GPR39: variants seen among roughly 807,000 people sequenced by gnomAD.
The protein encoded by GPR39 is zinc sensing receptor.
A neutral mutation model predicts 18.4 loss-of-function variants in GPR39; 23 were observed. The ratio of observed to expected loss-of-function variants is 1.25; its 90% CI spans 0.90 to 1.77. The LOEUF is 1.77. GPR39 is among the 40% of genes most tolerant of loss of function. The pLI, the probability that GPR39 is intolerant of heterozygous loss-of-function variation, is 0.00. For synonymous variants in GPR39, 280 were observed against 257.9 expected, an observed-to-expected ratio of 1.09 and a Z score of -0.82; for missense variants, 647 against 602.4, an observed-to-expected ratio of 1.07 and a Z score of -0.78.
intron 1 of GPR39, among the ~76,000 whole-genome samples, chr2:132,557,937 T>A (rs1680184909): frequency 6.8e-6 from 1 of 147,552 alleles, no homozygotes; most frequent in South Asian, 2.2e-4. Context: ...GGTTCAGGGA[T>A]GCAGCTGCAG....
chr2:132,608,786 G>A (rs777121190), intron 1 of GPR39, among the ~76,000 whole-genome samples: 5 of 152,110 alleles, frequency 3.3e-5, no homozygotes, highest in African/African-American at 1.2e-4. Context: ...AGCCCCCTCC[G>A]CTGCAAAGCT....
At position 132,515,405 on chromosome 2, in the gene GPR39, G is replaced by A. The variant is rs186174659; in HGVS notation, c.856+97507G>A. Among the ~76,000 whole-genome samples the A allele has an allele frequency of 4.6e-5, 7 of 152,288 alleles. No homozygotes were observed. The East Asian group carries it at 1.4e-3, about 29-fold the overall frequency. On this transcript the variant is annotated intron_variant, in intron 1 of 1. Transcript: ENST00000329321. The stretch of plus-strand genomic sequence containing the variant: ...CAGCTAAAACAGGGCCTGGAGAATG[G>A]TATACATTCAATAAATAAATATTTA...
chr2:132,532,268 C>T (rs960252502), intron 1 of GPR39, among the ~76,000 whole-genome samples: 2 of 152,138 alleles, frequency 1.3e-5, no homozygotes, highest in Non-Finnish European at 2.9e-5. Flanking sequence ...TTTCTCGACA[C>T]ATACACCCTC....
chr2:132,641,878 A>C (rs923042733), intron 1 of GPR39, among the ~76,000 whole-genome samples: 5 of 152,242 alleles, frequency 3.3e-5, no homozygotes, highest in Non-Finnish European at 5.9e-5. Flanking sequence ...TGAAAGTATG[A>C]ATAGCAAACA....
intron 1 of GPR39, 60 bp from the exon 2 acceptor site, chr2:132,645,041 T>C: frequency 6.5e-7 from 1 of 1,535,522 alleles, no homozygotes; most frequent in Non-Finnish European, 8.8e-7. Context: ...ATTCATTTAC[T>C]GTGTTCTCAT....
intron 1 of GPR39, among the ~76,000 whole-genome samples, chr2:132,426,302 C>G (rs1293194961): frequency 6.6e-6 from 1 of 152,230 alleles, no homozygotes; most frequent in African/African-American, 2.4e-5. Context: ...TGGAGAATTA[C>G]AAAATTTGTG....
At chr2:132,558,560 C>G (rs774354740) in intron 1 of GPR39, among the ~76,000 whole-genome samples, 2 of 152,090 alleles carry the variant, frequency 1.3e-5, no homozygotes, top group African/African-American at 4.8e-5. Context: ...CTGGGGGCAC[C>G]GGGAAGCATT....
rs752927626 is a variant in GPR39, at chr2:132,645,117, A to G, written c.873A>G (p.Thr291=). 1.9e-6 allele frequency: 3 copies of G among 1,612,872 alleles called. No homozygotes were observed. The highest frequency in any genetic ancestry group is 2.2e-5 in the East Asian group (1 of 44,858). The part of the protein sequence containing the change: ...TIIFLRLIVV[T]LAVCWMPNQI... ...TCTGCCCAGGGCTGATTGTTGTGAC[A>G]TTGGCCGTATGCTGGATGCCCAACC... The change falls in exon 2 of 2, where the codon ACA becomes ACG. Residue 291 remains threonine, a synonymous_variant. Coordinates refer to ENST00000329321, the MANE Select transcript of GPR39 (RefSeq NM_001508.3).
At chr2:132,528,830 T>A (rs936334474) in intron 1 of GPR39, among the ~76,000 whole-genome samples, 1 of 152,214 alleles carries the variant, frequency 6.6e-6, no homozygotes, top group Non-Finnish European at 1.5e-5. Context: ...TAAGGAGTTT[T>A]GGGCTGAGAC....
At chr2:132,559,298 C>G (rs532329238) in intron 1 of GPR39, among the ~76,000 whole-genome samples, 4 of 152,044 alleles carry the variant, frequency 2.6e-5, no homozygotes, top group African/African-American at 9.7e-5. Context: ...AACAACAAAC[C>G]TGATGATTTC....
chr2:132,444,997 G>C (rs1014801684), intron 1 of GPR39, among the ~76,000 whole-genome samples: 1 of 152,096 alleles, frequency 6.6e-6, no homozygotes, highest in African/African-American at 2.4e-5. Flanking sequence ...ACAGATCTTA[G>C]GTTTATCAAA....
chr2:132,611,849 A>G (rs2104850753), intron 1 of GPR39, among the ~76,000 whole-genome samples: 1 of 152,308 alleles, frequency 6.6e-6, no homozygotes, highest in East Asian at 1.9e-4. Flanking sequence ...AACATCTCAT[A>G]GTTCTCTTCC....
At chr2:132,630,736 G>A (rs922319379) in intron 1 of GPR39, among the ~76,000 whole-genome samples, 1 of 152,116 alleles carries the variant, frequency 6.6e-6, no homozygotes, top group Non-Finnish European at 1.5e-5. Context: ...GGACAGATTT[G>A]GGAGGTATAA....
rs538757726 is a variant in GPR39 at position 132,459,173 on chromosome 2, T to C, written c.856+41275T>C. On this transcript the variant is annotated intron_variant, in intron 1 of 1. Coordinates refer to ENST00000329321, the MANE Select transcript of GPR39 (RefSeq NM_001508.3). ...GTGTCCTCTCTATTTACTTCATGTT[T>C]TACAGTTCCATGTCTCCTAGGTTCA... 2.6e-5 allele frequency among the ~76,000 whole-genome samples: 4 copies of C among 152,358 alleles called. No individual in the cohort carries two copies. In the East Asian group the frequency reaches 7.7e-4, roughly 29 times the overall value.
At chr2:132,506,710 G>A (rs1679141232) in intron 1 of GPR39, among the ~76,000 whole-genome samples, 1 of 152,078 alleles carries the variant, frequency 6.6e-6, no homozygotes, top group Non-Finnish European at 1.5e-5. Context: ...CAGCATGGAG[G>A]TAACCACTCC....
At chr2:132,428,838 A>G (rs1462614568) in intron 1 of GPR39, among the ~76,000 whole-genome samples, 1 of 152,244 alleles carries the variant, frequency 6.6e-6, no homozygotes, top group Non-Finnish European at 1.5e-5. Flanking sequence ...ACACTTAGAC[A>G]TAAAAAAGTT....
rs147818225 is a variant in GPR39 at position 132,524,669 on chromosome 2, A to G, written c.856+106771A>G. Among the ~76,000 whole-genome samples, 22 of 152,328 alleles carry G rather than the reference A, an allele frequency of 1.4e-4. No homozygotes were observed. In the East Asian group the frequency reaches 4.1e-3, roughly 28 times the overall value. On this transcript the variant is annotated intron_variant, in intron 1 of 1. Transcript: ENST00000329321. ...CCAAACAAAACAGTCCCTTTACAAG[A>G]TACCCAGAGAATAAATCCAAAGTCT...
chr2:132,508,998 G>T (rs1220118455), intron 1 of GPR39, among the ~76,000 whole-genome samples: 1 of 152,192 alleles, frequency 6.6e-6, no homozygotes, highest in African/African-American at 2.4e-5. Context: ...AAGGGATGGG[G>T]CCCCATGGAA....
intron 1 of GPR39, among the ~76,000 whole-genome samples, chr2:132,513,030 T>A (rs554658392): frequency 5.4e-4 from 82 of 152,324 alleles, no homozygotes; most frequent in African/African-American, 1.8e-3. Flanking sequence ...CAGCTTGGGC[T>A]GCAATCACCT....
Sources: gnomAD v4.1 joint callset for allele counts (sites outside exome capture counted in the v4.1 genomes callset) on GRCh38, gnomAD v4.1.1 for gene constraint, MANE v1.5 for transcripts, NCBI Gene and HGNC (gene_info 2026-07-23, HGNC 2026-07-21) for gene names.